Variants in PALM2AKAP2 observed in about 807,000 individuals in gnomAD.
PALM2AKAP2 encodes the protein PALM2-AKAP2 fusion protein.
In PALM2AKAP2, 37 loss-of-function variants were observed where a neutral mutation model predicts 71.5. The observed-to-expected ratio is 0.52, with a 90% CI of 0.40 to 0.68. The LOEUF is 0.68. PALM2AKAP2 is among the 30% of genes least tolerant of loss of function. The pLI is 0.00. For synonymous variants in PALM2AKAP2, 468 were observed against 478.8 expected (o/e 0.98, Z 0.29); for missense variants, 1,224 against 1,191.8 (o/e 1.03, Z -0.40).
intron 6 of PALM2AKAP2, among the ~76,000 whole-genome samples, chr9:109,972,721 C>CT (rs1298763062): frequency 1.6e-4 from 25 of 152,336 alleles, no homozygotes; most frequent in African/African-American, 5.3e-4. Context: ...AGATGCTAGC[C>CT]TTTGCAAATT....
At chr9:110,042,862 G>A (rs1396613076) in intron 7 of PALM2AKAP2, among the ~76,000 whole-genome samples, 1 of 151,942 alleles carries the variant, frequency 6.6e-6, no homozygotes, top group Non-Finnish European at 1.5e-5. Context: ...AGAGTAAATT[G>A]GGCATCCATC....
intron 1 of PALM2AKAP2, among the ~76,000 whole-genome samples, chr9:110,096,003 C>T (rs369689353): frequency 3.9e-5 from 6 of 152,318 alleles, no homozygotes; most frequent in South Asian, 2.1e-4. Context: ...TATCTACAAG[C>T]GCATGCATGT....
At chr9:109,689,792 T>C (rs1380452903) in intron 1 of PALM2AKAP2, among the ~76,000 whole-genome samples, 1 of 152,170 alleles carries the variant, frequency 6.6e-6, no homozygotes, top group East Asian at 1.9e-4. Context: ...ACAGAGCCTG[T>C]CTCTGGAGGA....
intron 3 of PALM2AKAP2, among the ~76,000 whole-genome samples, chr9:109,890,917 G>A (rs908716409): frequency 6.6e-6 from 1 of 152,154 alleles, no homozygotes; most frequent in Non-Finnish European, 1.5e-5. Flanking sequence ...AACCACTCCA[G>A]GGATCCTAGA....
chr9:110,019,696 CAG>C (rs1467255145), intron 7 of PALM2AKAP2, among the ~76,000 whole-genome samples: 4 of 152,122 alleles, frequency 2.6e-5, no homozygotes, highest in African/African-American at 9.7e-5. Flanking sequence ...AATGCAGAAA[CAG>C]AAAATCAAAT....
intron 5 of PALM2AKAP2, among the ~76,000 whole-genome samples, chr9:109,928,882 G>T (rs1831021262): frequency 6.6e-6 from 1 of 152,060 alleles, no homozygotes; most frequent in Non-Finnish European, 1.5e-5. Context: ...GGCCATGCTG[G>T]TCTCAAACTC....
intron 2 of PALM2AKAP2, among the ~76,000 whole-genome samples, chr9:110,151,612 T>A (rs1404820531): frequency 3.9e-5 from 6 of 152,210 alleles, no homozygotes; most frequent in African/African-American, 1.4e-4. Context: ...GACACAATGT[T>A]AGAAACACAT....
intron 1 of PALM2AKAP2, among the ~76,000 whole-genome samples, chr9:109,770,018 A>G (rs1160488351): frequency 6.6e-6 from 1 of 152,176 alleles, no homozygotes; most frequent in Non-Finnish European, 1.5e-5. Flanking sequence ...CCAAGCCCAG[A>G]GAGGGGATTC....
chr9:109,856,361 T>G (rs1392960353), intron 1 of PALM2AKAP2, among the ~76,000 whole-genome samples: 1 of 152,262 alleles, frequency 6.6e-6, no homozygotes, highest in Non-Finnish European at 1.5e-5. Context: ...ATGCCGTAGT[T>G]GCAAAGAATG....
intron 1 of PALM2AKAP2, among the ~76,000 whole-genome samples, chr9:110,116,044 C>A (rs1835354141): frequency 6.6e-6 from 1 of 152,140 alleles, no homozygotes; most frequent in African/African-American, 2.4e-5. Context: ...CGAGAGAGAC[C>A]TGTTCTGTTC....
At chr9:110,015,226 T>G (rs1832957396) in intron 6 of PALM2AKAP2, among the ~76,000 whole-genome samples, 1 of 152,174 alleles carries the variant, frequency 6.6e-6, no homozygotes, top group South Asian at 2.1e-4. Context: ...TTGAATTAGA[T>G]GTGTGTATTT....
In PALM2AKAP2 at chr9:110,121,624, A is replaced by T. The variant is rs1588121137; in HGVS notation, c.157-14503A>T. On this transcript the variant is annotated intron_variant, in intron 1 of 3. Coordinates refer to ENST00000374525, the Ensembl canonical transcript of PALM2AKAP2. Reference sequence around the variant, plus strand: ...ACCTCATTCCTTCCTGACCCCTTCAAACCTGTTTTTGGAACTTTCTGTCAC... The same window carrying T: ...ACCTCATTCCTTCCTGACCCCTTCATACCTGTTTTTGGAACTTTCTGTCAC... 2.6e-5 allele frequency among the ~76,000 whole-genome samples: 4 copies of T among 152,336 alleles called. No homozygotes were observed. The South Asian group carries it at 8.3e-4, about 32-fold the overall frequency.
intron 1 of PALM2AKAP2, among the ~76,000 whole-genome samples, chr9:110,074,393 G>C (rs1834273243): frequency 6.6e-6 from 1 of 152,176 alleles, no homozygotes; most frequent in Non-Finnish European, 1.5e-5. Flanking sequence ...AAGGAGACTA[G>C]AGACATGAGA....
intron 1 of PALM2AKAP2, chr9:110,090,181 T>G (rs1324692209): frequency 3.0e-6 from 1 of 330,808 alleles, no homozygotes; most frequent in African/African-American, 2.2e-5. Context: ...GTGTGCTTCC[T>G]GGGGCAGCGT....
At chr9:109,843,881 A>G (rs966100671) in intron 1 of PALM2AKAP2, among the ~76,000 whole-genome samples, 1 of 152,116 alleles carries the variant, frequency 6.6e-6, no homozygotes, top group African/African-American at 2.4e-5. Flanking sequence ...TCAGCACTAC[A>G]CAGTTGTCAC....
chr9:109,647,601 C>A (rs919989337), intron 1 of PALM2AKAP2, among the ~76,000 whole-genome samples: 11 of 152,262 alleles, frequency 7.2e-5, no homozygotes, highest in African/African-American at 2.2e-4. Context: ...CCTTGACAAC[C>A]CTAGCCACAT....
chr9:110,106,956 A>G (rs1177076733), intron 1 of PALM2AKAP2, among the ~76,000 whole-genome samples: 3 of 152,170 alleles, frequency 2.0e-5, no homozygotes, highest in Non-Finnish European at 4.4e-5. Context: ...TGTGCAAGGC[A>G]CTCCTAATGG....
At chr9:109,754,467 T>A (rs1828929146) in intron 1 of PALM2AKAP2, among the ~76,000 whole-genome samples, 1 of 152,178 alleles carries the variant, frequency 6.6e-6, no homozygotes. Flanking sequence ...ACAGTGTTGT[T>A]AATTATAGTC....
At chr9:109,772,185 C>T (rs4978850) in intron 1 of PALM2AKAP2, 78,165 of 152,066 alleles carry the variant, frequency 0.51, 22,121 homozygotes, top group African/African-American at 0.75. Flanking sequence ...AAGCGAAGGG[C>T]GCAGAGGCTC....
Sources: gnomAD v4.1 joint callset for allele counts (sites outside exome capture counted in the v4.1 genomes callset) on GRCh38, gnomAD v4.1.1 for gene constraint, MANE v1.5 for transcripts, NCBI Gene and HGNC (gene_info 2026-07-23, HGNC 2026-07-21) for gene names.